Variants in MAGI2 observed in about 807,000 individuals in gnomAD.
The protein encoded by MAGI2 is membrane-associated guanylate kinase, WW and PDZ domain-containing protein 2.
A neutral mutation model predicts 133.3 loss-of-function variants in MAGI2; 35 were observed. The ratio of observed to expected loss-of-function variants is 0.26; its 90% CI spans 0.20 to 0.35. The LOEUF is 0.35. Ranked by LOEUF, MAGI2 falls within the 10% of genes least tolerant of loss-of-function variation. The pLI, the probability that MAGI2 is intolerant of heterozygous loss-of-function variation, is 1.00. For missense variants in MAGI2, 1,636 were observed against 1,863.4 expected (o/e 0.88, Z 2.25); for synonymous variants, 729 against 710.6 (o/e 1.03, Z -0.41).
rs78182942 is a variant in MAGI2 at position 79,117,246 on chromosome 7, A to G, written c.302-110040T>C. Among the ~76,000 whole-genome samples the G allele has an allele frequency of 3.6e-3, 550 of 152,324 alleles. 3 individuals carry two copies. Among genetic ancestry groups the G allele is most frequent in the African/African-American group, 0.012 (513 of 41,586 alleles). The stretch of plus-strand genomic sequence containing the variant: ...GAGTAGAAACCCACTAAGAAAATCA[A>G]TAAACTGAACTATTTTTGCTGCAAT... On this transcript the variant is annotated intron_variant, in intron 1 of 21. Coordinates refer to ENST00000354212, the MANE Select transcript of MAGI2 (RefSeq NM_012301.4).
intron 2 of MAGI2, among the ~76,000 whole-genome samples, chr7:78,794,486 T>C (rs1387508964): frequency 6.6e-6 from 1 of 152,072 alleles, no homozygotes; most frequent in Non-Finnish European, 1.5e-5. Context: ...ATGTCTTTGG[T>C]AAATGAAAAA....
At chr7:78,337,667 T>G (rs1051666662) in intron 9 of MAGI2, among the ~76,000 whole-genome samples, 3 of 152,144 alleles carry the variant, frequency 2.0e-5, no homozygotes, top group African/African-American at 7.2e-5. Context: ...TGTGTTAATT[T>G]TTGAGGTTCA....
At chr7:79,036,281 A>C (rs1212317526) in intron 1 of MAGI2, among the ~76,000 whole-genome samples, 1 of 152,226 alleles carries the variant, frequency 6.6e-6, no homozygotes, top group Non-Finnish European at 1.5e-5. Context: ...AAGCCAATGT[A>C]AAAATAGGAT....
chr7:78,702,343 T>C (rs1027568860), intron 2 of MAGI2, among the ~76,000 whole-genome samples: 3 of 151,996 alleles, frequency 2.0e-5, no homozygotes, highest in African/African-American at 7.2e-5. Flanking sequence ...AGTAATAACT[T>C]CTAAGAGCTG....
At chr7:79,141,562 T>A (rs1353640634) in intron 1 of MAGI2, among the ~76,000 whole-genome samples, 1 of 152,200 alleles carries the variant, frequency 6.6e-6, no homozygotes, top group East Asian at 1.9e-4. Context: ...TTTGGGCCTT[T>A]GTTTTTTTAT....
chr7:78,331,227 G>C (rs1584903661), intron 9 of MAGI2, among the ~76,000 whole-genome samples: 1 of 152,172 alleles, frequency 6.6e-6, no homozygotes, highest in African/African-American at 2.4e-5. Flanking sequence ...GACAGTCGGG[G>C]CAAGGGCTGA....
At chr7:78,936,234 T>C (rs903978344) in intron 2 of MAGI2, among the ~76,000 whole-genome samples, 1 of 151,772 alleles carries the variant, frequency 6.6e-6, no homozygotes, top group African/African-American at 2.4e-5. Context: ...AATTTGAAAA[T>C]AGAAAATAAT....
intron 2 of MAGI2, among the ~76,000 whole-genome samples, chr7:78,911,690 A>G (rs1798412757): frequency 6.6e-6 from 1 of 151,896 alleles, no homozygotes. Context: ...ATATTTTGTT[A>G]TAATTGTTTT....
At chr7:78,925,408 T>C (rs1328611929) in intron 2 of MAGI2, among the ~76,000 whole-genome samples, 1 of 152,108 alleles carries the variant, frequency 6.6e-6, no homozygotes, top group South Asian at 2.1e-4. Flanking sequence ...GGAATTTGTA[T>C]GCCTCTCTAT....
chr7:79,026,814 C>CAGTA (rs1019013485), intron 1 of MAGI2, among the ~76,000 whole-genome samples: 1 of 150,372 alleles, frequency 6.7e-6, no homozygotes, highest in Non-Finnish European at 1.5e-5. Context: ...GCGGAGGTTG[C>CAGTA]AGTAAGCCAA....
At chr7:78,576,083 A>G (rs1802236978) in intron 3 of MAGI2, among the ~76,000 whole-genome samples, 1 of 152,090 alleles carries the variant, frequency 6.6e-6, no homozygotes, top group Admixed American at 6.6e-5. Context: ...TCTAAAATAA[A>G]AAGTTTTCAT....
At chr7:79,318,396 C>T (rs1298904182) in intron 1 of MAGI2, among the ~76,000 whole-genome samples, 1 of 150,202 alleles carries the variant, frequency 6.7e-6, no homozygotes, top group African/African-American at 2.5e-5. Flanking sequence ...AAAGGAAAGC[C>T]ATAAAAAACA....
chr7:79,262,816 T>A (rs1036701655), intron 1 of MAGI2, among the ~76,000 whole-genome samples: 1 of 152,238 alleles, frequency 6.6e-6, no homozygotes, highest in Non-Finnish European at 1.5e-5. Flanking sequence ...TAACCTACAG[T>A]GAACTTTCAA....
At chr7:79,042,999 A>T (rs1290522967) in intron 1 of MAGI2, among the ~76,000 whole-genome samples, 1 of 152,172 alleles carries the variant, frequency 6.6e-6, no homozygotes, top group Non-Finnish European at 1.5e-5. Flanking sequence ...AAATGGTGAC[A>T]TTAAGTCAGA....
chr7:78,924,978 A>G (rs17151686), intron 2 of MAGI2, among the ~76,000 whole-genome samples: 16,080 of 151,948 alleles, frequency 0.11, 1,905 homozygotes, highest in African/African-American at 0.27. Context: ...TTCAAAAGTT[A>G]GATAGGGAAA....
At chr7:79,384,393 T>A (rs992037063) in intron 1 of MAGI2, among the ~76,000 whole-genome samples, 18 of 151,634 alleles carry the variant, frequency 1.2e-4, no homozygotes, top group African/African-American at 4.3e-4. Flanking sequence ...TGAACTATTT[T>A]TTTAAATGAA....
At chr7:79,266,201 G>A (rs1834442937) in intron 1 of MAGI2, among the ~76,000 whole-genome samples, 1 of 151,706 alleles carries the variant, frequency 6.6e-6, no homozygotes, top group African/African-American at 2.4e-5. Context: ...TGGAGCATGA[G>A]CTTAGTGACT....
intron 9 of MAGI2, among the ~76,000 whole-genome samples, chr7:78,285,368 AAAC>A (rs1562753198): frequency 6.6e-6 from 1 of 151,846 alleles, no homozygotes; most frequent in South Asian, 2.1e-4. Context: ...TAAATGAACA[AAAC>A]AATTCAATTT....
At chr7:79,263,756 C>A (rs1203347304) in intron 1 of MAGI2, among the ~76,000 whole-genome samples, 1 of 151,940 alleles carries the variant, frequency 6.6e-6, no homozygotes, top group African/African-American at 2.4e-5. Flanking sequence ...TTCATTGACA[C>A]CCTGAGGCTA....
Sources: allele counts gnomAD v4.1 joint callset (sites outside exome capture counted in the v4.1 genomes callset), GRCh38; gene constraint gnomAD v4.1.1; transcripts MANE v1.5; gene names NCBI Gene and HGNC (gene_info 2026-07-23, HGNC 2026-07-21).